Variants in EYS observed in about 807,000 individuals in gnomAD.
EYS encodes EGF-like photoreceptor maintenance factor.
In EYS, 250 loss-of-function variants were observed where a neutral mutation model predicts 282.1. That is an observed-to-expected ratio of 0.89 (90% confidence interval 0.80 to 0.98). The LOEUF (loss-of-function observed/expected upper bound fraction) is 0.98. Ranked by LOEUF, EYS falls within the 50% of genes least tolerant of loss-of-function variation. The pLI is 0.00. For missense variants in EYS, 4,016 were observed against 3,709.0 expected (o/e 1.08, Z -2.15); for synonymous variants, 1,355 against 1,282.9 (o/e 1.06, Z -1.20).
chr6:65,661,688 T>A (rs1360972099), intron 1 of EYS, among the ~76,000 whole-genome samples: 1 of 152,056 alleles, frequency 6.6e-6, no homozygotes, highest in Admixed American at 6.6e-5. Context: ...CCTGGAACTT[T>A]CGGATGATTT....
intron 29 of EYS, chr6:64,379,658 G>A (rs905816597): frequency 6.6e-6 from 1 of 152,116 alleles, no homozygotes; most frequent in African/African-American, 2.4e-5. Context: ...ACACCAGATG[G>A]GAGTCTCTCA....
chr6:63,737,104 G>A lies in EYS; in HGVS notation c.8072-10424C>T, dbSNP rs1768934606. On this transcript the variant is annotated intron_variant, in intron 41 of 42. Coordinates refer to ENST00000503581, the MANE Select transcript of EYS (RefSeq NM_001142800.2). ...TTCCTTCTCCTGCCTAATTGCCCTG[G>A]CCAGAACTTCCAACACTATGTTGAA... 2.0e-5 allele frequency among the ~76,000 whole-genome samples: 3 copies of A among 150,328 alleles called. No homozygotes were observed. The South Asian group carries it at 6.3e-4, about 32-fold the overall frequency.
intron 35 of EYS, among the ~76,000 whole-genome samples, chr6:63,951,158 C>T (rs996187040): frequency 1.3e-5 from 2 of 151,952 alleles, no homozygotes; most frequent in Admixed American, 6.6e-5. Flanking sequence ...ACCCACCATT[C>T]CTCCTTCTTC....
At chr6:64,431,615 ATTAT>A (rs1774578986) in intron 28 of EYS, among the ~76,000 whole-genome samples, 1 of 152,060 alleles carries the variant, frequency 6.6e-6, no homozygotes, top group Non-Finnish European at 1.5e-5. Context: ...TACTCCTTTG[ATTAT>A]TTATCTGATC....
chr6:64,972,231 T>C (rs957138107), intron 14 of EYS, among the ~76,000 whole-genome samples: 1 of 152,136 alleles, frequency 6.6e-6, no homozygotes, highest in Non-Finnish European at 1.5e-5. Flanking sequence ...GCAGAAGAGT[T>C]CTGATTGCTC....
intron 9 of EYS, among the ~76,000 whole-genome samples, chr6:65,346,990 T>A (rs973232415): frequency 1.9e-4 from 29 of 151,956 alleles, no homozygotes; most frequent in Non-Finnish European, 3.4e-4. Context: ...TAATAACCAA[T>A]GATACCAGGT....
At chr6:63,805,678 G>A (rs1212778811) in intron 37 of EYS, among the ~76,000 whole-genome samples, 2 of 152,150 alleles carry the variant, frequency 1.3e-5, no homozygotes, top group South Asian at 2.1e-4. Context: ...GGTGTCAAGG[G>A]AGAGACCAGG....
intron 31 of EYS, among the ~76,000 whole-genome samples, chr6:64,148,954 T>C (rs1774612924): frequency 6.6e-6 from 1 of 152,208 alleles, no homozygotes; most frequent in Non-Finnish European, 1.5e-5. Flanking sequence ...TTAAAAAGTG[T>C]ATTGTCATAG....
At chr6:64,816,625 G>T (rs1487429130) in intron 21 of EYS, among the ~76,000 whole-genome samples, 2 of 151,982 alleles carry the variant, frequency 1.3e-5, no homozygotes, top group Non-Finnish European at 2.9e-5. Flanking sequence ...GAACATAATG[G>T]CATTTATTTA....
At chr6:65,620,731 C>T (rs1233202497) in intron 2 of EYS, among the ~76,000 whole-genome samples, 1 of 150,902 alleles carries the variant, frequency 6.6e-6, no homozygotes, top group African/African-American at 2.5e-5. Context: ...TGAATGCGTC[C>T]CAGAGATTCT....
intron 22 of EYS, among the ~76,000 whole-genome samples, chr6:64,658,664 C>T (rs987060994): frequency 6.6e-6 from 1 of 152,192 alleles, no homozygotes; most frequent in African/African-American, 2.4e-5. Context: ...GGCTGCAGAA[C>T]AGCGGATATT....
intron 12 of EYS, among the ~76,000 whole-genome samples, chr6:65,150,465 C>T (rs1262212669): frequency 6.6e-6 from 1 of 151,922 alleles, no homozygotes; most frequent in African/African-American, 2.4e-5. Flanking sequence ...ATAAATCACT[C>T]CCCTACATGT....
intron 19 of EYS, among the ~76,000 whole-genome samples, chr6:64,829,546 G>A (rs72889144): frequency 0.014 from 2,160 of 151,980 alleles, 25 homozygotes; most frequent in Non-Finnish European, 0.02. Flanking sequence ...ATATCTCACT[G>A]GACCAAGGAA....
In EYS at chr6:65,095,917, AT is replaced by A. The variant is rs1774726007; in HGVS notation, c.2024-38191del. Among the ~76,000 whole-genome samples the A allele has an allele frequency of 4.0e-5, 6 of 151,178 alleles. No homozygotes were observed. The South Asian group carries it at 1.2e-3, about 31-fold the overall frequency. ...TGAGAATCGCACTCTCACAACTTCCATTCAACATAGTACTAAATGTTCTAGC... is the reference window on the plus strand; with the variant it reads ...TGAGAATCGCACTCTCACAACTTCCATCAACATAGTACTAAATGTTCTAGC... On this transcript the variant is annotated intron_variant, in intron 12 of 42. Transcript: ENST00000503581.
chr6:65,409,429 G>C (rs775284266), intron 5 of EYS, among the ~76,000 whole-genome samples: 1 of 152,116 alleles, frequency 6.6e-6, no homozygotes, highest in South Asian at 2.1e-4. Flanking sequence ...ACATTAAAAC[G>C]TAACTGCAGT....
At chr6:65,316,095 G>T (rs1769288336) in intron 11 of EYS, among the ~76,000 whole-genome samples, 2 of 152,046 alleles carry the variant, frequency 1.3e-5, no homozygotes, top group South Asian at 4.1e-4. Context: ...TATTTATCTA[G>T]TTATAGTTAA....
At chr6:65,492,086 T>C (rs1010000872) in intron 4 of EYS, among the ~76,000 whole-genome samples, 9 of 152,234 alleles carry the variant, frequency 5.9e-5, no homozygotes, top group Non-Finnish European at 1.0e-4. Context: ...TACTTTGTTA[T>C]GACAGCTCTA....
chr6:64,664,181 C>T (rs1166796699), intron 22 of EYS, among the ~76,000 whole-genome samples: 3 of 152,182 alleles, frequency 2.0e-5, no homozygotes, highest in South Asian at 4.1e-4. Context: ...AAACAGAGCT[C>T]CCATACAATG....
At chr6:65,567,550 C>G (rs1243948464) in intron 2 of EYS, among the ~76,000 whole-genome samples, 1 of 151,804 alleles carries the variant, frequency 6.6e-6, no homozygotes, top group Non-Finnish European at 1.5e-5. Context: ...TTCTAATATT[C>G]CACTGAAGGA....
Sources: gnomAD v4.1 joint callset for allele counts (sites outside exome capture counted in the v4.1 genomes callset) on GRCh38, gnomAD v4.1.1 for gene constraint, MANE v1.5 for transcripts, NCBI Gene and HGNC (gene_info 2026-07-23, HGNC 2026-07-21) for gene names.